NRG2: variants seen among roughly 807,000 people sequenced by gnomAD.
NRG2 encodes pro-neuregulin-2, membrane-bound isoform.
Under a neutral mutation model 73.9 loss-of-function variants are expected in NRG2, and 27 were observed. That is an observed-to-expected ratio of 0.37 (90% CI 0.27 to 0.50). The LOEUF (loss-of-function observed/expected upper bound fraction) is 0.50, where lower values mean the gene tolerates loss of function less well. Ranked by LOEUF, NRG2 falls within the 20% of genes least tolerant of loss-of-function variation. NRG2 has a pLI of 0.96. For synonymous variants in NRG2, 532 were observed against 541.0 expected, an observed-to-expected ratio of 0.98 and a Z score of 0.23; for missense variants, 1,126 against 1,210.1, an observed-to-expected ratio of 0.93 and a Z score of 1.03.
intron 1 of NRG2, among the ~76,000 whole-genome samples, chr5:139,941,655 T>C (rs1753410513): frequency 6.6e-6 from 1 of 152,224 alleles, no homozygotes; most frequent in Non-Finnish European, 1.5e-5. Context: ...GTCATTACAT[T>C]GCAGGTTAAT....
rs1006964943 is a variant in NRG2, at chr5:139,848,058, C to G, written c.2412G>C (p.Ala804=). 6.7e-7 allele frequency: 1 copy of G among 1,501,850 alleles called. No homozygotes were observed. Among genetic ancestry groups the G allele is most frequent in the Non-Finnish European group, 8.8e-7 (1 of 1,132,154 alleles). 93.0% of individuals were successfully genotyped at this position (1,501,850 alleles called of 1,614,324 possible). Reference sequence around the variant, plus strand: ...ACAGTGGCGGCGAGTCCGAGCGCAGCGCGTCGTGCGCCCCACGCAGGCCCA... The same window carrying G: ...ACAGTGGCGGCGAGTCCGAGCGCAGGGCGTCGTGCGCCCCACGCAGGCCCA... ...PFLGLRGAHD[A]LRSDSPPLCP... is the part of the protein sequence containing the mutation. The change falls in exon 10 of 10, where the codon GCG becomes GCC. Residue 804 remains alanine, a synonymous_variant. Transcript: ENST00000361474.
At chr5:140,021,135 A>G (rs1760188835) in intron 1 of NRG2, among the ~76,000 whole-genome samples, 1 of 152,254 alleles carries the variant, frequency 6.6e-6, no homozygotes, top group African/African-American at 2.4e-5. Context: ...TTCCACAGAC[A>G]TCATCTCCTC....
chr5:139,886,370 C>T (rs1216679899), intron 2 of NRG2, among the ~76,000 whole-genome samples: 2 of 152,186 alleles, frequency 1.3e-5, no homozygotes, highest in Non-Finnish European at 2.9e-5. Flanking sequence ...CCCTGGCCTT[C>T]TACCACTTTT....
chr5:139,864,116 C>T (rs530792550), intron 5 of NRG2, among the ~76,000 whole-genome samples: 344 of 152,294 alleles, frequency 2.3e-3, no homozygotes, highest in Non-Finnish European at 3.8e-3. Context: ...GCTGTCCTCC[C>T]TGGAGAAGAG....
chr5:139,850,071 G>A (rs1362389075), intron 9 of NRG2, among the ~76,000 whole-genome samples: 2 of 152,162 alleles, frequency 1.3e-5, no homozygotes, highest in South Asian at 2.1e-4. Context: ...GTTGTTCCCC[G>A]TGCCTAGAAT....
intron 1 of NRG2, among the ~76,000 whole-genome samples, chr5:139,943,909 T>C (rs1035950506): frequency 1.3e-5 from 2 of 152,220 alleles, no homozygotes; most frequent in Admixed American, 6.5e-5. Flanking sequence ...ATAAACAATA[T>C]GCAAACAAAT....
intron 1 of NRG2, among the ~76,000 whole-genome samples, chr5:139,992,819 G>T (rs266022): frequency 0.35 from 52,980 of 151,844 alleles, 9,729 homozygotes; most frequent in East Asian, 0.62. Flanking sequence ...CCTTCCTTCT[G>T]CCCAAGAGTA....
At chr5:139,885,105 T>C (rs1763779539) in intron 2 of NRG2, among the ~76,000 whole-genome samples, 1 of 152,110 alleles carries the variant, frequency 6.6e-6, no homozygotes, top group African/African-American at 2.4e-5. Context: ...CTAGTGTCTC[T>C]CTGGCAGCAT....
Position 140,031,757 on chromosome 5 carries a change from T to C in NRG2, c.700+10613A>G, listed in dbSNP as rs184334204. Among the ~76,000 whole-genome samples the C allele has an allele frequency of 2.5e-3, 375 of 152,254 alleles. 2 individuals carry two copies. The highest frequency in any genetic ancestry group is 0.01 in the Middle Eastern group (3 of 294). On this transcript the variant is annotated intron_variant, in intron 1 of 9. Transcript: ENST00000361474. ...AAGCAAGTGCGGCAAGGTGCTGTAT[T>C]AAGATCATACCTATGGCCAAAGGCA...
At chr5:139,921,866 A>T (rs1052976467) in intron 1 of NRG2, among the ~76,000 whole-genome samples, 1 of 152,184 alleles carries the variant, frequency 6.6e-6, no homozygotes, top group Non-Finnish European at 1.5e-5. Context: ...GTTTGAGACC[A>T]GCCTGGGCAA....
chr5:140,009,195 C>G (rs934302293), intron 1 of NRG2, among the ~76,000 whole-genome samples: 2 of 152,200 alleles, frequency 1.3e-5, no homozygotes, highest in South Asian at 2.1e-4. Context: ...AAGAAATCAG[C>G]AGCATCTCAG....
At position 139,851,681 on chromosome 5, in the gene NRG2, C is replaced by T; in HGVS notation, c.1695G>A (p.Leu565=). The T allele has an allele frequency of 1.2e-6, 2 of 1,614,162 alleles. No homozygotes were observed. The highest frequency in any genetic ancestry group is 4.5e-5 in the East Asian group (2 of 44,874). The change falls in exon 9 of 10, where the codon CTG becomes CTA. Residue 565 remains leucine, a synonymous_variant. Coordinates refer to ENST00000361474, the MANE Select transcript of NRG2 (RefSeq NM_004883.3). The surrounding 1 kb of genome is among the most constrained non-coding windows in gnomAD (Gnocchi z 4.2). ...GCGCGGTGGCCCTGCGCCGCTCCTC[C>T]AGGTTGTAGGCTGCTGCCCGCCTTG... ...ARARRAAAYN[L]EERRRATAPP... is the part of the protein sequence containing the mutation.
chr5:139,973,156 C>CAAAAAAAAAAAAAAAAAAA (rs58053481), intron 1 of NRG2, among the ~76,000 whole-genome samples: 2 of 89,442 alleles, frequency 2.2e-5, no homozygotes, highest in East Asian at 3.8e-4. Context: ...TAAGAATATG[C>CAAAAAAAAAAAAAAAAAAA]AAAAAAAAAA....
At chr5:139,918,046 C>A (rs1165075889) in intron 1 of NRG2, among the ~76,000 whole-genome samples, 4 of 152,110 alleles carry the variant, frequency 2.6e-5, no homozygotes, top group African/African-American at 7.2e-5. Flanking sequence ...AAGTCTTTGA[C>A]CCATGTTGGG....
At chr5:140,037,899 C>A in intron 1 of NRG2, among the ~76,000 whole-genome samples, 1 of 124,810 alleles carries the variant, frequency 8.0e-6, no homozygotes, top group Non-Finnish European at 1.6e-5. Context: ...CAGAGCAAGA[C>A]TCCATCTCAA....
chr5:139,958,542 T>C (rs1334942369), intron 1 of NRG2, among the ~76,000 whole-genome samples: 2 of 152,210 alleles, frequency 1.3e-5, no homozygotes, highest in Non-Finnish European at 2.9e-5. Context: ...AGGATATTTT[T>C]TGTGGGTGTT....
At chr5:139,944,354 C>G (rs1009774273) in intron 1 of NRG2, among the ~76,000 whole-genome samples, 3 of 152,108 alleles carry the variant, frequency 2.0e-5, no homozygotes, top group Non-Finnish European at 4.4e-5. Flanking sequence ...GAACTTATTC[C>G]TCCTATCTAG....
chr5:139,968,349 C>T (rs1025012182), intron 1 of NRG2, among the ~76,000 whole-genome samples: 2 of 152,144 alleles, frequency 1.3e-5, no homozygotes, highest in East Asian at 1.9e-4. Context: ...GAGGGTAGGG[C>T]GCAGAAGGCC....
At chr5:139,939,148 T>C (rs1269676284) in intron 1 of NRG2, among the ~76,000 whole-genome samples, 3 of 151,816 alleles carry the variant, frequency 2.0e-5, no homozygotes, top group African/African-American at 7.3e-5. Flanking sequence ...GCTAAAAAAG[T>C]CTGAGAAATA....
Sources: gnomAD v4.1 joint callset for allele counts (sites outside exome capture counted in the v4.1 genomes callset) on GRCh38, gnomAD v4.1.1 for gene constraint, Gnocchi (gnomAD v3.1) non-coding constraint, MANE v1.5 for transcripts, NCBI Gene and HGNC (gene_info 2026-07-23, HGNC 2026-07-21) for gene names.